Variants in CAMK2G observed in about 807,000 individuals in gnomAD.
CAMK2G encodes the protein calcium/calmodulin-dependent protein kinase type II subunit gamma.
Under a neutral mutation model 88.7 loss-of-function variants are expected in CAMK2G, and 23 were observed. The observed-to-expected ratio is 0.26, with a 90% CI of 0.19 to 0.37. The LOEUF is 0.37. Among genes scored for constraint, CAMK2G ranks in the 10% least tolerant of loss-of-function variants. CAMK2G has a pLI of 1.00. For missense variants in CAMK2G, 476 were observed against 780.8 expected (o/e 0.61, Z 4.65); for synonymous variants, 263 against 294.8 (o/e 0.89, Z 1.11).
intron 2 of CAMK2G, among the ~76,000 whole-genome samples, chr10:73,865,517 C>A (rs747875768): frequency 1.3e-5 from 2 of 152,230 alleles, no homozygotes; most frequent in Non-Finnish European, 2.9e-5. Flanking sequence ...CCTGACACTT[C>A]CTGTCCTGTA....
At chr10:73,816,245 G>A (rs572922143) in intron 21 of CAMK2G, 20 of 988,410 alleles carry the variant, frequency 2.0e-5, no homozygotes, top group East Asian at 1.1e-4. Flanking sequence ...TATACAAGAC[G>A]TCTGCCTTCC....
At chr10:73,838,541 C>T (rs762977695) in intron 13 of CAMK2G, among the ~76,000 whole-genome samples, 1 of 152,174 alleles carries the variant, frequency 6.6e-6, no homozygotes, top group Non-Finnish European at 1.5e-5. Flanking sequence ...TGTCCACCAT[C>T]GTTGTCACTA....
intron 15 of CAMK2G, among the ~76,000 whole-genome samples, chr10:73,827,459 G>A (rs556983251): frequency 1.3e-3 from 201 of 152,254 alleles, no homozygotes; most frequent in Non-Finnish European, 2.0e-3. Flanking sequence ...GATTACAGGC[G>A]TGAGCCATCG....
intron 19 of CAMK2G, chr10:73,817,772 C>A (rs1000185058): frequency 3.5e-6 from 2 of 569,980 alleles, no homozygotes; most frequent in Non-Finnish European, 3.1e-6. Context: ...TGAAGCCCAG[C>A]CATTAGTTAT....
At position 73,821,521 on chromosome 10, in the gene CAMK2G, A is replaced by G. The variant is rs146801903; in HGVS notation, c.1249+161T>C. 2.9e-3 allele frequency among the ~76,000 whole-genome samples: 439 copies of G among 152,282 alleles called. 1 individual carries two copies. Among genetic ancestry groups the G allele is most frequent in the Middle Eastern group, 0.017 (5 of 294 alleles). On this transcript the variant is annotated intron_variant, in intron 18 of 22. Transcript: ENST00000423381. ...CTCAGCAACACCAGACAGGGGCCTC[A>G]TATCTTGGCTCGTGGAAAGTAGCTT...
At chr10:73,837,613 G>C (rs1331026287) in intron 13 of CAMK2G, 102 bp from the exon 14 acceptor site, 2 of 933,948 alleles carry the variant, frequency 2.1e-6, no homozygotes, top group African/African-American at 3.2e-5. Context: ...TCTGACAAGG[G>C]GGCCAAGGGT....
intron 19 of CAMK2G, chr10:73,817,790 T>A: frequency 3.6e-6 from 2 of 553,240 alleles, no homozygotes; most frequent in Non-Finnish European, 3.2e-6. Context: ...TATGGTTCTT[T>A]GGCCTTTGCC....
At chr10:73,825,789 T>G (rs752735291) in intron 15 of CAMK2G, among the ~76,000 whole-genome samples, 8 of 152,208 alleles carry the variant, frequency 5.3e-5, no homozygotes, top group Non-Finnish European at 1.0e-4. Flanking sequence ...CACCTGTATT[T>G]CCTTCTTACA....
intron 2 of CAMK2G, among the ~76,000 whole-genome samples, chr10:73,867,708 C>T (rs1007223150): frequency 6.6e-6 from 1 of 152,080 alleles, no homozygotes; most frequent in African/African-American, 2.4e-5. Flanking sequence ...CAGCCAGCAA[C>T]GAGGAGGGAT....
chr10:73,837,395 C>T (rs771032619), intron 14 of CAMK2G, 73 bp downstream of exon 14: 14 of 1,161,370 alleles, frequency 1.2e-5, no homozygotes, highest in Non-Finnish European at 1.8e-5. Flanking sequence ...AAAGGGGGAA[C>T]CAGGTGCCAA....
At chr10:73,828,875 C>T (rs766139641) in intron 14 of CAMK2G, among the ~76,000 whole-genome samples, 5 of 152,170 alleles carry the variant, frequency 3.3e-5, no homozygotes, top group Admixed American at 3.3e-4. Flanking sequence ...ACGAACTTTA[C>T]GTTCACATGT....
At chr10:73,826,554 G>C (rs1017557367) in intron 15 of CAMK2G, among the ~76,000 whole-genome samples, 2 of 152,234 alleles carry the variant, frequency 1.3e-5, no homozygotes, top group Non-Finnish European at 2.9e-5. Flanking sequence ...CCATATCCAT[G>C]TGATGTTCTT....
intron 16 of CAMK2G, among the ~76,000 whole-genome samples, chr10:73,824,545 T>A (rs1358118552): frequency 6.6e-6 from 1 of 152,106 alleles, no homozygotes; most frequent in Non-Finnish European, 1.5e-5. Context: ...GGAGGCCCCC[T>A]CAGCAAGCTG....
chr10:73,862,308 C>G (rs905545352), intron 2 of CAMK2G, among the ~76,000 whole-genome samples: 1 of 145,612 alleles, frequency 6.9e-6, no homozygotes, highest in African/African-American at 2.5e-5. Flanking sequence ...CCCCCCCCCC[C>G]CCCGATTTCC....
In CAMK2G at chr10:73,841,114, C is replaced by T. The variant is rs141869036; in HGVS notation, c.946+1055G>A. ...CCGGAGCTCCATGGCTCTCAGGCTA[C>T]ACCACGAAGCCCTAGGCTCCCTGCC... On this transcript the variant is annotated intron_variant, in intron 12 of 22. Coordinates refer to ENST00000423381, the MANE Select transcript of CAMK2G (RefSeq NM_001367534.1). Among the ~76,000 whole-genome samples the T allele has an allele frequency of 1.7e-3, 259 of 152,388 alleles. 1 individual carries two copies. Among genetic ancestry groups the T allele is most frequent in the Non-Finnish European group, 2.7e-3 (187 of 68,038 alleles).
rs749333071 is a variant in CAMK2G at position 73,849,244 on chromosome 10, G to A, written c.414+17C>T. 49 of 1,608,466 alleles carry A rather than the reference G, an allele frequency of 3.0e-5. No homozygotes were observed. Among genetic ancestry groups the A allele is most frequent in the Non-Finnish European group, 3.9e-5 (46 of 1,175,002 alleles). ...ACACTTCATGAGCAGAGGCACGGAG[G>A]GGAGCCTGGGTAGTACCTTCAGGTC... On this transcript the variant is annotated intron_variant, in intron 6 of 22. Coordinates refer to ENST00000423381, the MANE Select transcript of CAMK2G (RefSeq NM_001367534.1).
At chr10:73,829,962 G>A (rs572996165) in intron 14 of CAMK2G, among the ~76,000 whole-genome samples, 3 of 152,298 alleles carry the variant, frequency 2.0e-5, no homozygotes, top group Non-Finnish European at 2.9e-5. Flanking sequence ...AGAACTCTGC[G>A]TAGGCACTCA....
intron 3 of CAMK2G, 72 bp from the exon 4 acceptor site, chr10:73,853,318 C>T: frequency 1.5e-6 from 2 of 1,355,960 alleles, no homozygotes; most frequent in South Asian, 1.2e-5. Flanking sequence ...TCCTCAGCAG[C>T]CCCACCCCTG....
At chr10:73,822,159 C>A (rs1401396592) in intron 17 of CAMK2G, among the ~76,000 whole-genome samples, 1 of 152,148 alleles carries the variant, frequency 6.6e-6, no homozygotes, top group Non-Finnish European at 1.5e-5. Context: ...TCCACACTTA[C>A]CTCCTCCCTA....
Sources: gnomAD v4.1 joint callset for allele counts (sites outside exome capture counted in the v4.1 genomes callset) on GRCh38, gnomAD v4.1.1 for gene constraint, MANE v1.5 for transcripts, NCBI Gene and HGNC (gene_info 2026-07-23, HGNC 2026-07-21) for gene names.